The following INO80D variants were observed in gnomAD, a reference collection of about 807,000 sequenced individuals.
INO80D encodes INO80 complex subunit D.
Under a neutral mutation model 87.6 loss-of-function variants are expected in INO80D, and 21 were observed. The ratio of observed to expected loss-of-function variants is 0.24; its 90% CI spans 0.17 to 0.35. INO80D has a LOEUF of 0.35. INO80D is among the 10% of genes least tolerant of loss of function. The probability of loss-of-function intolerance (pLI) is 1.00; values close to 1 mark genes in which losing one functional copy is unlikely to be tolerated. For missense variants in INO80D, 982 were observed against 1,280.7 expected (o/e 0.77, Z 3.56); for synonymous variants, 440 against 491.0 (o/e 0.90, Z 1.37).
intron 4 of INO80D, 37 bp from the exon 5 acceptor site, chr2:206,046,649 T>C: frequency 7.5e-7 from 1 of 1,339,002 alleles, no homozygotes. Context: ...TTAGAAAAAG[T>C]TTACTTTTAT....
chr2:206,006,666 G>C (rs1230814372), intron 10 of INO80D, among the ~76,000 whole-genome samples: 7 of 146,860 alleles, frequency 4.8e-5, no homozygotes, highest in Admixed American at 1.4e-4. Context: ...CTGAGCGACA[G>C]AGCGAGACTC....
chr2:206,081,092 C>G (rs1315805328), intron 1 of INO80D, among the ~76,000 whole-genome samples: 1 of 151,934 alleles, frequency 6.6e-6, no homozygotes, highest in Admixed American at 6.6e-5. Context: ...TATTATTACC[C>G]CCTTTTACAG....
chr2:206,046,713 G>T (rs191489435), intron 4 of INO80D, 101 bp from the exon 5 acceptor site: 6 of 696,040 alleles, frequency 8.6e-6, no homozygotes, highest in Middle Eastern at 3.4e-4. Flanking sequence ...CATACCTATT[G>T]CAAGTACTAT....
intron 4 of INO80D, among the ~76,000 whole-genome samples, chr2:206,047,903 TGCAGTGG>T (rs1689241840): frequency 6.8e-6 from 1 of 145,990 alleles, no homozygotes; most frequent in South Asian, 2.2e-4. Flanking sequence ...CAGGCTGGAG[TGCAGTGG>T]CGTGATCTCT....
At chr2:206,057,400 A>G (rs778080857) in intron 3 of INO80D, among the ~76,000 whole-genome samples, 27 of 152,228 alleles carry the variant, frequency 1.8e-4, no homozygotes, top group Admixed American at 6.5e-4. Context: ...TCAAGTGTCT[A>G]CTGTGCTTTA....
In INO80D at chr2:205,996,628, A is replaced by G. The variant is rs1324227560; in HGVS notation, c.*7740T>C. 4 of 152,236 alleles carry G rather than the reference A, an allele frequency of 2.6e-5. No individual in the cohort carries two copies. The East Asian group carries it at 7.7e-4, about 29-fold the overall frequency. 9.4% of individuals were successfully genotyped at this position (152,236 alleles called of 1,614,324 possible). On this transcript the variant is annotated 3_prime_UTR_variant, in exon 11 of 11. Transcript: ENST00000403263. Reference sequence around the variant, plus strand: ...GAAATATATGTATATAGCTTTATCTATACACACACATATACATACGTGTAT... The same window carrying G: ...GAAATATATGTATATAGCTTTATCTGTACACACACATATACATACGTGTAT...
chr2:206,062,205 C>G lies in INO80D; in HGVS notation c.218+594G>C, dbSNP rs971133296. Among the ~76,000 whole-genome samples the G allele has an allele frequency of 6.6e-6, 1 of 151,574 alleles. No homozygotes were observed. The highest frequency in any genetic ancestry group is 2.4e-5 in the African/African-American group (1 of 41,292). The stretch of plus-strand genomic sequence containing the variant: ...TACTCTATTTGGAACACTTTTTAAC[C>G]AAAAAAGGTAAGGTTATAAAACATG... On this transcript the variant is annotated intron_variant, in intron 3 of 10. Transcript: ENST00000403263. The surrounding 1 kb of genome is among the most constrained non-coding windows in gnomAD (Gnocchi z 4.6).
In INO80D at chr2:206,077,830, A is replaced by G. The variant is rs187920157; in HGVS notation, c.-124+8071T>C. On this transcript the variant is annotated intron_variant, in intron 1 of 10. Coordinates refer to ENST00000403263, the MANE Select transcript of INO80D (RefSeq NM_017759.5). ...TCAGCTAACTGGACCTCTCTGCAGC[A>G]TCTGACACTGCTGACCACTTTCTCT... Among the ~76,000 whole-genome samples the G allele has an allele frequency of 3.6e-4, 55 of 152,210 alleles. No individual in the cohort carries two copies. The East Asian group carries it at 0.01, about 29-fold the overall frequency.
intron 8 of INO80D, among the ~76,000 whole-genome samples, chr2:206,011,078 CAAA>C (rs5838007): frequency 8.4e-5 from 8 of 95,668 alleles, no homozygotes; most frequent in Non-Finnish European, 7.9e-5. Flanking sequence ...AACTCAGTCT[CAAA>C]AAAAAAAAAA....
In INO80D at chr2:206,017,683, T is replaced by C. The variant is rs780299324; in HGVS notation, c.1539A>G (p.Lys513=). 6.3e-7 allele frequency: 1 copy of C among 1,583,060 alleles called. No homozygotes were observed. Among genetic ancestry groups the C allele is most frequent in the South Asian group, 1.2e-5 (1 of 84,932 alleles). Residue 513 remains lysine (K), a synonymous_variant, in exon 8 of 11, where the codon AAA becomes AAG. Coordinates refer to ENST00000403263, the MANE Select transcript of INO80D (RefSeq NM_017759.5). ...QTPLCEEHAK[K]MDNFLRGDNS... is the part of the protein sequence containing the mutation. ...AAGCCTCTGTTGCAGAACTTACCATTTTTTTGGCATGTTCTTCACACAGAG... is the reference window on the plus strand; with the variant it reads ...AAGCCTCTGTTGCAGAACTTACCATCTTTTTGGCATGTTCTTCACACAGAG...
intron 8 of INO80D, among the ~76,000 whole-genome samples, chr2:206,016,722 G>A (rs1267156591): frequency 1.3e-5 from 2 of 152,126 alleles, no homozygotes; most frequent in Non-Finnish European, 2.9e-5. Context: ...CTGAATTATG[G>A]GGCAGGTCTT....
intron 4 of INO80D, among the ~76,000 whole-genome samples, chr2:206,051,511 TAAAC>T (rs939076023): frequency 1.3e-5 from 2 of 152,026 alleles, no homozygotes; most frequent in African/African-American, 4.8e-5. Context: ...AAAGGCAAAA[TAAAC>T]AAAATGTCCA....
chr2:206,031,967 T>C (rs1688779458), intron 5 of INO80D, among the ~76,000 whole-genome samples: 2 of 152,140 alleles, frequency 1.3e-5, no homozygotes, highest in South Asian at 4.1e-4. Flanking sequence ...CGACCTTACC[T>C]GGAGCTGAGT....
intron 1 of INO80D, among the ~76,000 whole-genome samples, chr2:206,067,061 A>G (rs1689836462): frequency 6.7e-6 from 1 of 149,452 alleles, no homozygotes; most frequent in Admixed American, 6.8e-5. Context: ...CAGCCTGGCC[A>G]ACATGGTGAA....
intron 5 of INO80D, among the ~76,000 whole-genome samples, chr2:206,045,793 C>A (rs1230558164): frequency 1.3e-5 from 2 of 151,776 alleles, no homozygotes; most frequent in Non-Finnish European, 2.9e-5. Context: ...AGTAAAAAAG[C>A]ACTATTTCTA....
intron 7 of INO80D, among the ~76,000 whole-genome samples, chr2:206,019,337 C>T (rs575205290): frequency 2.0e-5 from 3 of 152,276 alleles, no homozygotes; most frequent in South Asian, 4.1e-4. Context: ...ACTAATCTTA[C>T]AGGAAAAAGT....
At chr2:206,005,750 A>T (rs1463447906) in intron 10 of INO80D, among the ~76,000 whole-genome samples, 1 of 152,242 alleles carries the variant, frequency 6.6e-6, no homozygotes, top group East Asian at 1.9e-4. Flanking sequence ...CACCATCTTC[A>T]GTTGATTTAC....
At chr2:206,035,046 G>GACCTCT (rs1171261385) in intron 5 of INO80D, among the ~76,000 whole-genome samples, 1 of 151,994 alleles carries the variant, frequency 6.6e-6, no homozygotes, top group Admixed American at 6.6e-5. Context: ...GGAGGCGAAA[G>GACCTCT]ACCTCTACAA....
chr2:206,010,316 C>G (rs541007038), intron 8 of INO80D, among the ~76,000 whole-genome samples: 1 of 150,844 alleles, frequency 6.6e-6, no homozygotes, highest in Non-Finnish European at 1.5e-5. Context: ...AGGAAAATAA[C>G]CACAAAGTAG....
Sources: allele counts gnomAD v4.1 joint callset (sites outside exome capture counted in the v4.1 genomes callset), GRCh38; gene constraint gnomAD v4.1.1; non-coding constraint Gnocchi (gnomAD v3.1); transcripts MANE v1.5; gene names NCBI Gene and HGNC (gene_info 2026-07-23, HGNC 2026-07-21).